RPGRIP1L: variants seen among roughly 807,000 people sequenced by gnomAD.
The protein encoded by RPGRIP1L is protein fantom.
A neutral mutation model predicts 160.4 loss-of-function variants in RPGRIP1L; 131 were observed. The ratio of observed to expected loss-of-function variants is 0.82; its 90% CI spans 0.71 to 0.94. RPGRIP1L has a LOEUF of 0.94. RPGRIP1L is among the 40% of genes least tolerant of loss of function. RPGRIP1L has a pLI of 0.00. For missense variants in RPGRIP1L, 1,522 were observed against 1,535.8 expected (o/e 0.99, Z 0.15); for synonymous variants, 510 against 515.8 (o/e 0.99, Z 0.15).
chr16:53,625,484 C>T (rs1473953147), intron 22 of RPGRIP1L, among the ~76,000 whole-genome samples: 4 of 107,678 alleles, frequency 3.7e-5, no homozygotes, highest in Non-Finnish European at 7.5e-5. Flanking sequence ...CTGGGGGGGG[C>T]GCGCCTCCGC....
At chr16:53,621,402 T>C (rs1964696299) in intron 23 of RPGRIP1L, among the ~76,000 whole-genome samples, 1 of 151,950 alleles carries the variant, frequency 6.6e-6, no homozygotes, top group Non-Finnish European at 1.5e-5. Context: ...TAAAATTCTT[T>C]TTATGATGTC....
intron 16 of RPGRIP1L, among the ~76,000 whole-genome samples, chr16:53,647,383 G>T (rs1398245524): frequency 1.3e-5 from 2 of 152,224 alleles, no homozygotes; most frequent in Non-Finnish European, 2.9e-5. Flanking sequence ...GAAACCAGCA[G>T]AATGTCCTCT....
At chr16:53,658,593 A>G in intron 11 of RPGRIP1L, 129 bp from the exon 12 acceptor site, 1 of 886,288 alleles carries the variant, frequency 1.1e-6, no homozygotes, top group Non-Finnish European at 1.8e-6. Context: ...TAAGTCTACA[A>G]GACATTCCAG....
intron 10 of RPGRIP1L, among the ~76,000 whole-genome samples, chr16:53,661,515 G>C (rs1182603823): frequency 2.0e-5 from 3 of 152,030 alleles, no homozygotes; most frequent in Admixed American, 6.6e-5. Flanking sequence ...ACAAAAAGAA[G>C]GCAAATATAG....
Position 53,698,146 on chromosome 16 carries a change from T to C in RPGRIP1L, c.86-1851A>G, listed in dbSNP as rs1197090422. Among the ~76,000 whole-genome samples, 225 of 143,934 alleles carry C rather than the reference T, an allele frequency of 1.6e-3. 2 individuals are homozygous for C. Among genetic ancestry groups the C allele is most frequent in the Admixed American group, 2.3e-3 (34 of 14,594 alleles). The allele number at this position is 143,934 out of a possible 152,430, so 94.4% of individuals were successfully genotyped here. On this transcript the variant is annotated intron_variant, in intron 2 of 26. Coordinates refer to ENST00000647211, the MANE Select transcript of RPGRIP1L (RefSeq NM_015272.5). ...CCCGGCAACCGCCCCGTCTGAGAAG[T>C]GAGGAGCCCCTCCGCCCGGCAGCCG...
chr16:53,605,318 T>C (rs1963606379), intron 26 of RPGRIP1L, 163 bp downstream of exon 26: 4 of 737,152 alleles, frequency 5.4e-6, no homozygotes, highest in Non-Finnish European at 9.7e-6. Flanking sequence ...GAAAAGGATA[T>C]AGGAAGACGC....
Position 53,692,304 on chromosome 16 carries a change from G to T in RPGRIP1L, c.291C>A (p.Gly97=), listed in dbSNP as rs765369037. The T allele has an allele frequency of 6.2e-7, 1 of 1,613,994 alleles. No homozygotes were observed. Among genetic ancestry groups the T allele is most frequent in the Non-Finnish European group, 8.5e-7 (1 of 1,179,948 alleles). The change falls in exon 4 of 27, where the codon GGC becomes GGA. Residue 97 remains glycine, a synonymous_variant. Coordinates refer to ENST00000647211, the MANE Select transcript of RPGRIP1L (RefSeq NM_015272.5). The stretch of plus-strand genomic sequence containing the variant: ...CATCTCGTCCCAGCCGCTTGGGGCC[G>T]CCACCAACCCGCTCATATCTTTTCT... The part of the protein sequence containing the change: ...NDKKRYERVG[G]GPKRLGRDVE...
chr16:53,696,741 T>A (rs1054068346), intron 2 of RPGRIP1L, among the ~76,000 whole-genome samples: 1 of 152,174 alleles, frequency 6.6e-6, no homozygotes, highest in Non-Finnish European at 1.5e-5. Flanking sequence ...GAAAACAAAC[T>A]ATAAAAGTTG....
chr16:53,614,852 G>A (rs1426609168), intron 24 of RPGRIP1L, among the ~76,000 whole-genome samples: 1 of 152,132 alleles, frequency 6.6e-6, no homozygotes, highest in Non-Finnish European at 1.5e-5. Flanking sequence ...GTCTCAAAAA[G>A]GATACAAACT....
At chr16:53,674,032 G>A (rs1306052280) in intron 7 of RPGRIP1L, among the ~76,000 whole-genome samples, 2 of 152,016 alleles carry the variant, frequency 1.3e-5, no homozygotes, top group Non-Finnish European at 2.9e-5. Context: ...TTCAACTACA[G>A]GGATTTTTAA....
chr16:53,670,610 A>T (rs949858607), intron 9 of RPGRIP1L, among the ~76,000 whole-genome samples: 1 of 152,206 alleles, frequency 6.6e-6, no homozygotes, highest in Non-Finnish European at 1.5e-5. Flanking sequence ...AGATTAAGAA[A>T]CAAAATTGAA....
intron 6 of RPGRIP1L, among the ~76,000 whole-genome samples, chr16:53,685,277 C>G (rs754440286): frequency 1.8e-4 from 27 of 152,158 alleles, no homozygotes; most frequent in Non-Finnish European, 3.5e-4. Flanking sequence ...TTGGTTCAAC[C>G]ATTGTGTAAG....
intron 2 of RPGRIP1L, among the ~76,000 whole-genome samples, chr16:53,700,195 A>G (rs1031289675): frequency 6.6e-6 from 1 of 152,256 alleles, no homozygotes; most frequent in Admixed American, 6.5e-5. Flanking sequence ...CCTTTAATCC[A>G]TATTAATTCG....
chr16:53,667,948 C>T (rs1968409682), intron 9 of RPGRIP1L, among the ~76,000 whole-genome samples: 1 of 151,468 alleles, frequency 6.6e-6, no homozygotes, highest in African/African-American at 2.4e-5. Context: ...GTCCTAGCTA[C>T]TTGGGAGGCT....
At chr16:53,677,290 T>C (rs772544070) in intron 6 of RPGRIP1L, among the ~76,000 whole-genome samples, 7 of 152,206 alleles carry the variant, frequency 4.6e-5, no homozygotes, top group Non-Finnish European at 8.8e-5. Flanking sequence ...AACAATACCT[T>C]AAGTAACAAC....
At chr16:53,625,686 T>C (rs957235427) in intron 22 of RPGRIP1L, among the ~76,000 whole-genome samples, 2 of 151,890 alleles carry the variant, frequency 1.3e-5, no homozygotes, top group Non-Finnish European at 2.9e-5. Context: ...AGGATGGCGG[T>C]TTTGTCGAAT....
At position 53,686,580 on chromosome 16, in the gene RPGRIP1L, A is replaced by G; in HGVS notation, c.633-4T>C. On this transcript the variant is annotated splice_region_variant and splice_polypyrimidine_tract_variant and intron_variant, in intron 5 of 26. Coordinates refer to ENST00000647211, the MANE Select transcript of RPGRIP1L (RefSeq NM_015272.5). ...TTGTGACTGAATAACGTTTTCTCTG[A>G]AATAAAGAGCCTCTGTAAGAACTTG... The G allele has an allele frequency of 6.2e-7, 1 of 1,613,452 alleles. No individual in the cohort carries two copies.
rs1343641650 is a variant in RPGRIP1L, at chr16:53,598,648, G to C, written c.*3428C>G. 3.3e-5 allele frequency: 5 copies of C among 152,154 alleles called. No individual in the cohort carries two copies. The highest frequency in any genetic ancestry group is 1.2e-4 in the African/African-American group (5 of 41,456). 9.4% of individuals were successfully genotyped at this position (152,154 alleles called of 1,614,324 possible). ...TTGACCTAGAGGTTGTTTTTGTTCT[G>C]AACAAAGGGGATGTAAATCTGTTTG... On this transcript the variant is annotated 3_prime_UTR_variant, in exon 27 of 27. Transcript: ENST00000647211.
chr16:53,689,207 A>C (rs1970226588), intron 4 of RPGRIP1L, among the ~76,000 whole-genome samples: 1 of 152,030 alleles, frequency 6.6e-6, no homozygotes, highest in Non-Finnish European at 1.5e-5. Context: ...CAGGGTATTT[A>C]GGATATCCAT....
Sources: gnomAD v4.1 joint callset for allele counts (sites outside exome capture counted in the v4.1 genomes callset) on GRCh38, gnomAD v4.1.1 for gene constraint, MANE v1.5 for transcripts, NCBI Gene and HGNC (gene_info 2026-07-23, HGNC 2026-07-21) for gene names.